Variants in NDST4 observed in about 807,000 individuals in gnomAD.
NDST4 encodes N-heparan sulfate sulfotransferase 4.
A neutral mutation model predicts 100.8 loss-of-function variants in NDST4; 63 were observed. The ratio of observed to expected loss-of-function variants is 0.62; its 90% CI spans 0.51 to 0.77. The LOEUF (loss-of-function observed/expected upper bound fraction) is 0.77, where lower values mean the gene tolerates loss of function less well. NDST4 is among the 30% of genes least tolerant of loss of function. The pLI, the probability that NDST4 is intolerant of heterozygous loss-of-function variation, is 0.00. For synonymous variants in NDST4, 377 were observed against 361.8 expected, an observed-to-expected ratio of 1.04 and a Z score of -0.48; for missense variants, 943 against 1,018.4, an observed-to-expected ratio of 0.93 and a Z score of 1.01.
intron 12 of NDST4, among the ~76,000 whole-genome samples, chr4:114,831,310 C>T (rs1166313681): frequency 6.6e-6 from 1 of 152,030 alleles, no homozygotes; most frequent in Non-Finnish European, 1.5e-5. Flanking sequence ...CCTCGGCCTC[C>T]CAAAGTGCTG....
At chr4:115,022,036 A>G (rs1419400308) in intron 2 of NDST4, among the ~76,000 whole-genome samples, 3 of 151,638 alleles carry the variant, frequency 2.0e-5, no homozygotes, top group Non-Finnish European at 4.4e-5. Flanking sequence ...CCATATCTCT[A>G]TGTTCCATAT....
chr4:115,002,915 T>C lies in NDST4; in HGVS notation c.979-25641A>G, dbSNP rs552780043. ...ATGCAGCCATAAAAAAGAATGAGTT[T>C]ACATTCTTTTCAGGGACATGGATGA... On this transcript the variant is annotated intron_variant, in intron 2 of 13. Transcript: ENST00000264363. Among the ~76,000 whole-genome samples, 124 of 152,228 alleles carry C rather than the reference T, an allele frequency of 8.1e-4. 2 individuals are homozygous for C. Among genetic ancestry groups the C allele is most frequent in the South Asian group, 1.5e-3 (7 of 4,822 alleles).
chr4:114,915,378 A>C (rs1329746166), intron 6 of NDST4, among the ~76,000 whole-genome samples: 2 of 152,186 alleles, frequency 1.3e-5, no homozygotes, highest in African/African-American at 4.8e-5. Context: ...ACCAGGTAGG[A>C]TGCAAAAAGG....
At chr4:115,017,341 A>C (rs1727700430) in intron 2 of NDST4, among the ~76,000 whole-genome samples, 2 of 152,068 alleles carry the variant, frequency 1.3e-5, no homozygotes, top group Admixed American at 1.3e-4. Context: ...ATTTCATAGA[A>C]ATTTTTATTC....
At chr4:114,989,201 A>G (rs1726982724) in intron 2 of NDST4, among the ~76,000 whole-genome samples, 2 of 152,218 alleles carry the variant, frequency 1.3e-5, no homozygotes, top group South Asian at 4.1e-4. Context: ...GAGAACAGCA[A>G]TACCAAAAAT....
Position 114,970,490 on chromosome 4 carries a change from G to A in NDST4, c.1161C>T (p.His387=), listed in dbSNP as rs753063981. ...CTAAAGATGACTCGTTGTGGAAGAG[G>A]TGGGGCTGCATGTGGCTCCACATGT... ...FPHMWSHMQP[H]LFHNESSLVE... is the part of the protein sequence containing the mutation. Residue 387 remains histidine (H), a synonymous_variant, in exon 4 of 14, where the codon CAC becomes CAT. Coordinates refer to ENST00000264363, the MANE Select transcript of NDST4 (RefSeq NM_022569.3). 8 of 1,614,072 alleles carry A rather than the reference G, an allele frequency of 5.0e-6. 1 individual carries two copies. The South Asian group carries it at 6.6e-5, about 13-fold the overall frequency.
At chr4:114,922,855 G>T (rs918001449) in intron 6 of NDST4, among the ~76,000 whole-genome samples, 1 of 152,208 alleles carries the variant, frequency 6.6e-6, no homozygotes, top group African/African-American at 2.4e-5. Flanking sequence ...ACATATAGTA[G>T]AGGTGAAGAA....
intron 7 of NDST4, among the ~76,000 whole-genome samples, chr4:114,856,002 C>T (rs1723785120): frequency 6.6e-6 from 1 of 152,056 alleles, no homozygotes; most frequent in Non-Finnish European, 1.5e-5. Flanking sequence ...TTACTCTTCT[C>T]TGTAAGCCAC....
At chr4:114,907,832 AG>A (rs1384459595) in intron 6 of NDST4, among the ~76,000 whole-genome samples, 1 of 152,124 alleles carries the variant, frequency 6.6e-6, no homozygotes, top group African/African-American at 2.4e-5. Context: ...TATAGGCATG[AG>A]AAAAAAAGGC....
At chr4:114,865,156 C>T (rs1485832044) in intron 7 of NDST4, among the ~76,000 whole-genome samples, 1 of 151,992 alleles carries the variant, frequency 6.6e-6, no homozygotes, top group African/African-American at 2.4e-5. Context: ...CCTCTGCCTC[C>T]TGGAGTCAAG....
intron 2 of NDST4, among the ~76,000 whole-genome samples, chr4:115,028,641 A>G (rs1227744613): frequency 6.6e-6 from 1 of 152,118 alleles, no homozygotes; most frequent in African/African-American, 2.4e-5. Flanking sequence ...GTACATTTGA[A>G]TTTGTGAAAA....
At chr4:115,013,026 G>A (rs960485754) in intron 2 of NDST4, among the ~76,000 whole-genome samples, 1 of 150,476 alleles carries the variant, frequency 6.6e-6, no homozygotes, top group Non-Finnish European at 1.5e-5. Flanking sequence ...CATGAACACA[G>A]AGGGTAGAAT....
chr4:114,944,577 G>A (rs1725819324), intron 4 of NDST4, among the ~76,000 whole-genome samples: 1 of 152,098 alleles, frequency 6.6e-6, no homozygotes, highest in Non-Finnish European at 1.5e-5. Context: ...GTTGCAAATA[G>A]TTACTATGAA....
At chr4:115,086,813 GC>G (rs1360252417) in intron 1 of NDST4, among the ~76,000 whole-genome samples, 1 of 152,022 alleles carries the variant, frequency 6.6e-6, no homozygotes, top group Non-Finnish European at 1.5e-5. Context: ...AAAAGCAACT[GC>G]AAATTTCTAT....
At chr4:114,899,367 C>T (rs1017024884) in intron 6 of NDST4, among the ~76,000 whole-genome samples, 14 of 151,974 alleles carry the variant, frequency 9.2e-5, no homozygotes, top group Non-Finnish European at 1.8e-4. Flanking sequence ...TTAGTATAGA[C>T]AGGGTTTCAC....
At chr4:115,022,204 C>T (rs947041696) in intron 2 of NDST4, among the ~76,000 whole-genome samples, 1 of 151,572 alleles carries the variant, frequency 6.6e-6, no homozygotes, top group African/African-American at 2.4e-5. Flanking sequence ...ATACACGTTC[C>T]ACGTCTATGC....
Position 114,845,950 on chromosome 4 carries a change from A to G in NDST4, c.1988T>C (p.Leu663Pro). Residue 663 changes from leucine to proline, a missense_variant, in exon 10 of 14, where the codon CTG becomes CCG. Physicochemically the swap from Leu to Pro is moderately conservative, Grantham distance 98. This residue lies in a region of NDST4 where 526 missense variants were observed against 634.1 expected (regional missense o/e 0.83). Transcript: ENST00000264363. ...PTPSNTTSDF[L>P]FEKSANYFHS... ...GAAGTAATTAGCACTCTTTTCAAACAGAAAGTCACTTGTAGTATTGGATGG... is the reference window on the plus strand; with the variant it reads ...GAAGTAATTAGCACTCTTTTCAAACGGAAAGTCACTTGTAGTATTGGATGG... 1.2e-6 allele frequency: 2 copies of G among 1,614,048 alleles called. No individual in the cohort carries two copies. Among genetic ancestry groups the G allele is most frequent in the Non-Finnish European group, 1.7e-6 (2 of 1,179,902 alleles).
At chr4:114,844,667 T>C (rs144118024) in intron 10 of NDST4, among the ~76,000 whole-genome samples, 2 of 152,260 alleles carry the variant, frequency 1.3e-5, no homozygotes, top group African/African-American at 4.8e-5. Flanking sequence ...TTATTTAATA[T>C]CTACACATTA....
chr4:115,038,592 A>T (rs1728283280), intron 2 of NDST4, among the ~76,000 whole-genome samples: 1 of 152,212 alleles, frequency 6.6e-6, no homozygotes, highest in South Asian at 2.1e-4. Flanking sequence ...TTGTAAAATG[A>T]CTTAACATTT....
Sources: gnomAD v4.1 joint callset for allele counts (sites outside exome capture counted in the v4.1 genomes callset) on GRCh38, gnomAD v4.1.1 for gene constraint, gnomAD v4.1.1 regional missense constraint, MANE v1.5 for transcripts, NCBI Gene and HGNC (gene_info 2026-07-23, HGNC 2026-07-21) for gene names.